COL22A1: variants seen among roughly 807,000 people sequenced by gnomAD.
COL22A1 encodes the protein collagen type XXII alpha 1 chain, also known as collagen alpha-1(XXII) chain.
Under a neutral mutation model 248.9 loss-of-function variants are expected in COL22A1, and 221 were observed. The observed-to-expected ratio is 0.89, with a 90% CI of 0.80 to 0.99. The LOEUF is 0.99. Ranked by LOEUF, COL22A1 falls within the 50% of genes least tolerant of loss-of-function variation. COL22A1 has a pLI of 0.00. For missense variants in COL22A1, 2,240 were observed against 2,179.0 expected (o/e 1.03, Z -0.56); for synonymous variants, 891 against 793.4 (o/e 1.12, Z -2.07).
intron 5 of COL22A1, among the ~76,000 whole-genome samples, chr8:138,831,168 A>C (rs1169759467): frequency 6.6e-6 from 1 of 152,154 alleles, no homozygotes; most frequent in Non-Finnish European, 1.5e-5. Context: ...TGTGGCTGGC[A>C]CTCAGAGAAT....
chr8:138,685,832 C>T (rs1006515029), intron 37 of COL22A1, among the ~76,000 whole-genome samples: 1 of 152,100 alleles, frequency 6.6e-6, no homozygotes, highest in Non-Finnish European at 1.5e-5. Flanking sequence ...TTTAGGCCAC[C>T]CAGTTCATGA....
Position 138,662,720 on chromosome 8 carries a change from C to T in COL22A1, c.3187-637G>A, listed in dbSNP as rs563716777. Among the ~76,000 whole-genome samples, 312 of 152,252 alleles carry T rather than the reference C, an allele frequency of 2.0e-3. 3 individuals are homozygous for T. Among genetic ancestry groups the T allele is most frequent in the African/African-American group, 6.9e-3 (287 of 41,554 alleles). Reference sequence around the variant, plus strand: ...GCATCTCCTGGGCCTTCACAGACCTCCTCTCACATGACCCCTCCATCTAGA... The same window carrying T: ...GCATCTCCTGGGCCTTCACAGACCTTCTCTCACATGACCCCTCCATCTAGA... On this transcript the variant is annotated intron_variant, in intron 42 of 64. Transcript: ENST00000303045.
intron 23 of COL22A1, among the ~76,000 whole-genome samples, chr8:138,731,647 T>TGA (rs144710737): frequency 0.038 from 5,721 of 150,654 alleles, 364 homozygotes; most frequent in African/African-American, 0.13. Flanking sequence ...CTACAGGGCC[T>TGA]GAGAGAGAGA....
intron 9 of COL22A1, among the ~76,000 whole-genome samples, chr8:138,810,787 G>A (rs1818143841): frequency 6.6e-6 from 1 of 152,204 alleles, no homozygotes; most frequent in African/African-American, 2.4e-5. Context: ...ACCAGGATAG[G>A]CTTCTGAAAA....
chr8:138,768,781 C>CA (rs781061024), intron 16 of COL22A1, among the ~76,000 whole-genome samples: 63 of 152,084 alleles, frequency 4.1e-4, no homozygotes, highest in Middle Eastern at 3.4e-3. Context: ...ACTAAAAATA[C>CA]AAAAAATTAG....
intron 41 of COL22A1, among the ~76,000 whole-genome samples, chr8:138,670,165 G>A (rs1824893212): frequency 6.6e-6 from 1 of 152,108 alleles, no homozygotes; most frequent in Non-Finnish European, 1.5e-5. Flanking sequence ...AGGATTACAG[G>A]TTGAGCCACT....
Position 138,780,958 on chromosome 8 carries a change from G to A in COL22A1, c.1619C>T (p.Pro540Leu). 6.2e-7 allele frequency: 1 copy of A among 1,609,644 alleles called. No homozygotes were observed. The highest frequency in any genetic ancestry group is 8.5e-7 in the Non-Finnish European group (1 of 1,178,716). Reference protein sequence around the residue: ...GEKGSLGLPGPPGRDGSKGMR... With the variant: ...GEKGSLGLPGLPGRDGSKGMR... ...GCCTTTGCTGCCGTCTCTCCCAGGG[G>A]GGCCGGGCAGGCCCAGGGAACCCTA... The change falls in exon 13 of 65, where the codon CCC becomes CTC. Residue 540 changes from proline to leucine, a missense_variant. Coordinates refer to ENST00000303045, the MANE Select transcript of COL22A1 (RefSeq NM_152888.3).
chr8:138,664,231 A>T (rs1227358768), intron 41 of COL22A1, among the ~76,000 whole-genome samples: 1 of 149,576 alleles, frequency 6.7e-6, no homozygotes, highest in Non-Finnish European at 1.5e-5. Flanking sequence ...ACACACACAC[A>T]CACACACACA....
intron 6 of COL22A1, among the ~76,000 whole-genome samples, chr8:138,823,667 C>T (rs1819346534): frequency 6.6e-6 from 1 of 152,218 alleles, no homozygotes; most frequent in Non-Finnish European, 1.5e-5. Flanking sequence ...TGGCCTCTCA[C>T]AGTGCTGGGA....
intron 45 of COL22A1, among the ~76,000 whole-genome samples, chr8:138,651,959 C>T (rs1392472915): frequency 6.6e-6 from 1 of 152,234 alleles, no homozygotes; most frequent in African/African-American, 2.4e-5. Flanking sequence ...GCATACTATG[C>T]AGGATTATTT....
intron 30 of COL22A1, among the ~76,000 whole-genome samples, chr8:138,706,278 C>G (rs1828437074): frequency 6.6e-6 from 1 of 152,130 alleles, no homozygotes; most frequent in African/African-American, 2.4e-5. Context: ...AGCTCTGCAC[C>G]AAGCAGACCT....
intron 51 of COL22A1, among the ~76,000 whole-genome samples, chr8:138,624,010 G>A (rs909678346): frequency 1.5e-4 from 23 of 152,156 alleles, no homozygotes; most frequent in African/African-American, 5.5e-4. Flanking sequence ...GGCATATAGT[G>A]GGAAAGCAAT....
In COL22A1 at chr8:138,698,412, A is replaced by G. The variant is rs559312592; in HGVS notation, c.2592+1700T>C. On this transcript the variant is annotated intron_variant, in intron 32 of 64. Transcript: ENST00000303045. ...TGCAGGACCGTCACCTGTAAGATGG[A>G]CACAGGTGCCACTCCCTCAAGGCTG... 6.0e-4 allele frequency among the ~76,000 whole-genome samples: 91 copies of G among 152,280 alleles called. 1 individual carries two copies. Among genetic ancestry groups the G allele is most frequent in the African/African-American group, 2.1e-3 (86 of 41,560 alleles).
intron 16 of COL22A1, among the ~76,000 whole-genome samples, chr8:138,767,009 T>TA (rs1048209804): frequency 2.6e-4 from 40 of 152,304 alleles, no homozygotes; most frequent in Non-Finnish European, 8.8e-5. Flanking sequence ...GGGTGGTGGT[T>TA]AACCGCACGA....
At chr8:138,808,144 G>C (rs1817886601) in intron 9 of COL22A1, among the ~76,000 whole-genome samples, 1 of 152,226 alleles carries the variant, frequency 6.6e-6, no homozygotes, top group Admixed American at 6.5e-5. Flanking sequence ...GCAGAAGGCA[G>C]AGTGGTGGCT....
chr8:138,716,934 C>A, intron 27 of COL22A1, 65 bp from the exon 28 acceptor site: 1 of 1,229,920 alleles, frequency 8.1e-7, no homozygotes, highest in African/African-American at 1.5e-5. Flanking sequence ...CTGCCATTTC[C>A]CAGTTGTCCT....
At chr8:138,809,528 C>CTTTTTTT (rs71518485) in intron 9 of COL22A1, among the ~76,000 whole-genome samples, 33 of 117,520 alleles carry the variant, frequency 2.8e-4, no homozygotes, top group African/African-American at 4.6e-4. Flanking sequence ...TTTTCTTTTT[C>CTTTTTTT]TTTTTTTTTT....
At chr8:138,867,092 T>A (rs969500273) in intron 3 of COL22A1, among the ~76,000 whole-genome samples, 1 of 152,364 alleles carries the variant, frequency 6.6e-6, no homozygotes. Context: ...AAATAGCCTT[T>A]GGATCATGCG....
At chr8:138,726,330 GA>G (rs1301049415) in intron 23 of COL22A1, among the ~76,000 whole-genome samples, 1 of 151,528 alleles carries the variant, frequency 6.6e-6, no homozygotes, top group Non-Finnish European at 1.5e-5. Flanking sequence ...TATCTCCCTA[GA>G]AATAAAAAAA....
Sources: gnomAD v4.1 joint callset for allele counts (sites outside exome capture counted in the v4.1 genomes callset) on GRCh38, gnomAD v4.1.1 for gene constraint, MANE v1.5 for transcripts, NCBI Gene and HGNC (gene_info 2026-07-23, HGNC 2026-07-21) for gene names.